FNBP4: variants seen among roughly 807,000 people sequenced by gnomAD.
FNBP4 encodes formin-binding protein 4.
FNBP4 carries 34 observed loss-of-function variants against 119.3 expected under a neutral mutation model. That is an observed-to-expected ratio of 0.28 (90% CI 0.22 to 0.38). The LOEUF (loss-of-function observed/expected upper bound fraction) is 0.38. Ranked by LOEUF, FNBP4 falls within the 10% of genes least tolerant of loss-of-function variation. The pLI is 1.00. For synonymous variants in FNBP4, 462 were observed against 430.6 expected (o/e 1.07, Z -0.90); for missense variants, 1,112 against 1,228.9 (o/e 0.90, Z 1.42).
At chr11:47,723,572 T>C (rs1221567926) in intron 14 of FNBP4, among the ~76,000 whole-genome samples, 1 of 152,188 alleles carries the variant, frequency 6.6e-6, no homozygotes, top group African/African-American at 2.4e-5. Context: ...ACGTTTTTTG[T>C]GTTTTTGAGA....
In FNBP4 at chr11:47,765,374, A is replaced by AAAAGAAAAGAAAAGAAAAG; in HGVS notation, c.221-13_221-12insCTTTTCTTTTCTTTTCTTT. 2.9e-6 allele frequency: 3 copies of AAAAGAAAAGAAAAGAAAAG among 1,032,482 alleles called. No individual in the cohort carries two copies. Among genetic ancestry groups the AAAAGAAAAGAAAAGAAAAG allele is most frequent in the East Asian group, 2.5e-5 (1 of 40,176 alleles). The allele number at this position is 1,032,482 out of a possible 1,614,324, so 64.0% of individuals were successfully genotyped here. A position where few individuals can be genotyped will look rare whatever the true frequency, so the allele number is the denominator to read the frequency against. On this transcript the variant is annotated splice_polypyrimidine_tract_variant and intron_variant, in intron 1 of 16. Coordinates refer to ENST00000263773, the MANE Select transcript of FNBP4 (RefSeq NM_015308.5). ...CGCTTCCTGTTCATCTGGATTAAAA[A>AAAAGAAAAGAAAAGAAAAG]AAAAGAAAAGAAAAGAAAAGAAAAG... is the stretch of plus-strand genomic sequence containing the variant.
intron 4 of FNBP4, 147 bp from the exon 5 acceptor site, chr11:47,751,437 A>C: frequency 2.3e-6 from 2 of 853,144 alleles, no homozygotes; most frequent in Non-Finnish European, 3.7e-6. Context: ...GGGCAATCCT[A>C]TGTGGAGGTT....
intron 2 of FNBP4, among the ~76,000 whole-genome samples, chr11:47,765,045 A>C (rs2097643915): frequency 1.3e-5 from 2 of 152,172 alleles, no homozygotes; most frequent in African/African-American, 2.4e-5. Context: ...GGAAAAAAAA[A>C]CAGTAAAAAA....
In FNBP4 at chr11:47,746,196, C is replaced by T; in HGVS notation, c.1105G>A (p.Val369Ile). 1 of 1,614,166 alleles carries T rather than the reference C, an allele frequency of 6.2e-7. No individual in the cohort carries two copies. Among genetic ancestry groups the T allele is most frequent in the Non-Finnish European group, 8.5e-7 (1 of 1,180,018 alleles). The change falls in exon 7 of 17, where the codon GTA (valine) becomes ATA (isoleucine). Residue 369 changes from valine to isoleucine, a missense_variant. Val to Ile is a conservative substitution (Grantham distance 29, BLOSUM62 3). Around this residue, in one of 2 missense-constraint regions of FNBP4, gnomAD observed 826 missense variants for 988.8 expected, o/e 0.84. Coordinates refer to ENST00000263773, the MANE Select transcript of FNBP4 (RefSeq NM_015308.5). The part of the protein sequence containing the change: ...STTVEEATTI[V>I]KPQEIMLDNI... ...TCCAACATAATTTCCTGTGGCTTTA[C>T]TATTGTTGTTGCTTCTTCTACTGTT...
At chr11:47,740,283 C>T (rs897862015) in intron 8 of FNBP4, among the ~76,000 whole-genome samples, 32 of 151,876 alleles carry the variant, frequency 2.1e-4, no homozygotes, top group African/African-American at 7.0e-4. Flanking sequence ...CGCAAGGTGG[C>T]GTGCGCCTGT....
intron 12 of FNBP4, among the ~76,000 whole-genome samples, chr11:47,727,745 G>T (rs2097562779): frequency 6.6e-6 from 1 of 152,184 alleles, no homozygotes; most frequent in Non-Finnish European, 1.5e-5. Flanking sequence ...AAGACCATCA[G>T]AAAATTCTAG....
At chr11:47,749,063 G>A (rs1056189559) in intron 6 of FNBP4, among the ~76,000 whole-genome samples, 1 of 151,934 alleles carries the variant, frequency 6.6e-6, no homozygotes, top group Non-Finnish European at 1.5e-5. Context: ...TTTGAGACCT[G>A]TCTGGCAAAC....
chr11:47,765,167 T>C (rs2097644189), intron 2 of FNBP4, 103 bp downstream of exon 2: 1 of 704,982 alleles, frequency 1.4e-6, no homozygotes, highest in Admixed American at 2.6e-5. Context: ...GAAATAATGT[T>C]AGCAACACTA....
chr11:47,724,294 C>T, intron 13 of FNBP4, 122 bp from the exon 14 acceptor site: 1 of 1,509,192 alleles, frequency 6.6e-7, no homozygotes, highest in Non-Finnish European at 9.0e-7. Context: ...GAGATCATGA[C>T]TCATTGCAGC....
intron 2 of FNBP4, among the ~76,000 whole-genome samples, chr11:47,762,790 A>G (rs2097638516): frequency 6.6e-6 from 1 of 150,916 alleles, no homozygotes; most frequent in Admixed American, 6.7e-5. Context: ...TGGGCCCGTA[A>G]TCCCAGCTAC....
chr11:47,742,241 G>A (rs2097583049), intron 8 of FNBP4, among the ~76,000 whole-genome samples: 1 of 151,968 alleles, frequency 6.6e-6, no homozygotes, highest in Admixed American at 6.6e-5. Flanking sequence ...TGCTTTGGGA[G>A]GCCAAGGTGG....
chr11:47,731,948 T>C (rs1021444867), intron 11 of FNBP4: 3 of 1,001,370 alleles, frequency 3.0e-6, no homozygotes, highest in African/African-American at 3.5e-5. Context: ...AAGGTGACTC[T>C]TCCCCTCTTG....
intron 12 of FNBP4, chr11:47,725,730 T>C: frequency 3.2e-6 from 3 of 924,074 alleles, no homozygotes; most frequent in Non-Finnish European, 3.9e-6. Flanking sequence ...AAATAGGATA[T>C]ACTTACTTGT....
chr11:47,754,209 GAAAA>G (rs540739941), intron 3 of FNBP4, among the ~76,000 whole-genome samples: 1 of 108,204 alleles, frequency 9.2e-6, no homozygotes, highest in Non-Finnish European at 1.9e-5. Context: ...TCTATCTCAA[GAAAA>G]AAAAAAAAAA....
chr11:47,762,906 CAAAAAA>C (rs56659957), intron 2 of FNBP4, among the ~76,000 whole-genome samples: 4 of 100,660 alleles, frequency 4.0e-5, no homozygotes, highest in Non-Finnish European at 6.7e-5. Context: ...ACTCTGATTC[CAAAAAA>C]AAAAAAAAAA....
chr11:47,749,817 C>T (rs537655831), intron 6 of FNBP4, among the ~76,000 whole-genome samples: 2 of 152,210 alleles, frequency 1.3e-5, no homozygotes, highest in Non-Finnish European at 2.9e-5. Flanking sequence ...ATTAAGAATA[C>T]TCAACTGCTA....
intron 13 of FNBP4, 94 bp from the exon 14 acceptor site, chr11:47,724,266 T>G (rs914473623): frequency 5.2e-6 from 8 of 1,540,622 alleles, no homozygotes; most frequent in Middle Eastern, 1.7e-4. Context: ...CTCATTCTGT[T>G]GCACAAGCTG....
At chr11:47,718,944 C>A (rs944372169) in intron 16 of FNBP4, among the ~76,000 whole-genome samples, 1 of 133,224 alleles carries the variant, frequency 7.5e-6, no homozygotes, top group Non-Finnish European at 1.5e-5. Context: ...CTTGCTCTGT[C>A]GTCCAGGCTG....
At chr11:47,721,980 T>C (rs1187355395) in intron 15 of FNBP4, among the ~76,000 whole-genome samples, 1 of 73,238 alleles carries the variant, frequency 1.4e-5, no homozygotes, top group Non-Finnish European at 2.4e-5. Flanking sequence ...CCATATTAGC[T>C]GGGGGTGGTG....
Sources: gnomAD v4.1 joint callset for allele counts (sites outside exome capture counted in the v4.1 genomes callset) on GRCh38, gnomAD v4.1.1 for gene constraint, gnomAD v4.1.1 regional missense constraint, MANE v1.5 for transcripts, NCBI Gene and HGNC (gene_info 2026-07-23, HGNC 2026-07-21) for gene names.